MAP4K4: variants seen among roughly 807,000 people sequenced by gnomAD.
MAP4K4 encodes HPK/GCK-like kinase HGK.
In MAP4K4, 38 loss-of-function variants were observed where a neutral mutation model predicts 189.6. The observed-to-expected ratio is 0.20, with a 90% CI of 0.15 to 0.26. MAP4K4 has a LOEUF of 0.26. Ranked by LOEUF, MAP4K4 falls within the 10% of genes least tolerant of loss-of-function variation. The pLI is 1.00. For synonymous variants in MAP4K4, 610 were observed against 624.3 expected (o/e 0.98, Z 0.34); for missense variants, 1,054 against 1,726.9 (o/e 0.61, Z 6.91).
chr2:101,891,987 T>TAAAAAAAAAAAAAAAAAAA (rs60620198), exon 33 of MAP4K4: 3 of 59,818 alleles, frequency 5.0e-5, no homozygotes, highest in Non-Finnish European at 8.4e-5. Context: ...CAGATGGTTC[T>TAAAAAAAAAAAAAAAAAAA]AAAAAAAAAA....
intron 15 of MAP4K4, 68 bp from the exon 16 acceptor site, chr2:101,860,757 G>A: frequency 7.6e-7 from 1 of 1,315,846 alleles, no homozygotes; most frequent in Non-Finnish European, 1.0e-6. Flanking sequence ...TCCACTTTTA[G>A]ACTTTCTTTG....
At chr2:101,766,936 C>T (rs926530782) in intron 2 of MAP4K4, among the ~76,000 whole-genome samples, 1 of 152,148 alleles carries the variant, frequency 6.6e-6, no homozygotes, top group African/African-American at 2.4e-5. Flanking sequence ...CTCTAGCAAG[C>T]AGCTCAAAGG....
At chr2:101,829,829 A>C in intron 6 of MAP4K4, 1 of 404,240 alleles carries the variant, frequency 2.5e-6, no homozygotes, top group Non-Finnish European at 4.6e-6. Context: ...TGATCTTCAA[A>C]TCAGACCATG....
chr2:101,864,975 G>A, exon 18 of MAP4K4: 1 of 1,580,440 alleles, frequency 6.3e-7, no homozygotes, highest in East Asian at 2.3e-5. Flanking sequence ...GTCCCGTCGA[G>A]ATTCCCCACT....
chr2:101,773,069 T>A (rs1197517260), intron 2 of MAP4K4, among the ~76,000 whole-genome samples: 3 of 152,220 alleles, frequency 2.0e-5, no homozygotes, highest in Non-Finnish European at 4.4e-5. Context: ...CCCCCTTCCT[T>A]GGGCTTCTCT....
At chr2:101,718,610 T>TGGG (rs2049920061) in intron 2 of MAP4K4, among the ~76,000 whole-genome samples, 1 of 8,194 alleles carries the variant, frequency 1.2e-4, no homozygotes, top group Non-Finnish European at 2.3e-4. Flanking sequence ...GGATGGGGGG[T>TGGG]GGGGTGGTGG....
At chr2:101,857,730 C>T (rs555709315) in intron 13 of MAP4K4, among the ~76,000 whole-genome samples, 1 of 152,150 alleles carries the variant, frequency 6.6e-6, no homozygotes, top group African/African-American at 2.4e-5. Context: ...CACACCCCCC[C>T]AGTTGGCTTT....
At chr2:101,867,284 A>G in exon 20 of MAP4K4, 1 of 1,607,298 alleles carries the variant, frequency 6.2e-7, no homozygotes, top group Non-Finnish European at 8.5e-7. Context: ...GATAAAAAGG[A>G]AGTTTTCAGA....
chr2:101,844,076 C>G, intron 11 of MAP4K4, 25 bp from the exon 12 acceptor site: 1 of 1,578,466 alleles, frequency 6.3e-7, no homozygotes, highest in Non-Finnish European at 8.7e-7. Context: ...GTGCACACCC[C>G]TGAAAGCCCT....
At chr2:101,861,955 TG>T (rs2097671815) in intron 16 of MAP4K4, 1 of 146,042 alleles carries the variant, frequency 6.8e-6, no homozygotes, top group African/African-American at 2.5e-5. Flanking sequence ...AAAAAAGGGC[TG>T]GGGCACAGTG....
intron 2 of MAP4K4, among the ~76,000 whole-genome samples, chr2:101,699,572 T>C (rs927485478): frequency 1.3e-5 from 2 of 152,180 alleles, no homozygotes; most frequent in African/African-American, 4.8e-5. Flanking sequence ...CCATGAAGAA[T>C]TGTCATTGTC....
chr2:101,838,353 C>T lies in MAP4K4; in HGVS notation c.774-1466C>T, dbSNP rs188385591. On this transcript the variant is annotated intron_variant, in intron 9 of 32. Coordinates refer to ENST00000324219, the Ensembl canonical transcript of MAP4K4. ...TTTCACTGTACTGTGTAGAATCTTCCATGTTCCTCATTAAACGTAGAATAA... is the reference window on the plus strand; with the variant it reads ...TTTCACTGTACTGTGTAGAATCTTCTATGTTCCTCATTAAACGTAGAATAA... Among the ~76,000 whole-genome samples the T allele has an allele frequency of 1.3e-3, 193 of 152,304 alleles. 1 individual carries two copies. The highest frequency in any genetic ancestry group is 4.5e-3 in the African/African-American group (189 of 41,560).
At chr2:101,810,304 T>C (rs1575986788) in intron 3 of MAP4K4, among the ~76,000 whole-genome samples, 1 of 152,316 alleles carries the variant, frequency 6.6e-6, no homozygotes, top group East Asian at 1.9e-4. Context: ...TGGGTTTTTT[T>C]TAAATACAGG....
intron 10 of MAP4K4, among the ~76,000 whole-genome samples, chr2:101,841,410 T>A (rs2096913090): frequency 6.6e-6 from 1 of 152,170 alleles, no homozygotes; most frequent in Non-Finnish European, 1.5e-5. Context: ...ACTGACAAAT[T>A]TGTACGGAAC....
At chr2:101,856,309 A>G (rs2097456530) in intron 13 of MAP4K4, among the ~76,000 whole-genome samples, 171 bp downstream of exon 13, 1 of 152,116 alleles carries the variant, frequency 6.6e-6, no homozygotes. Context: ...TTGGAATGAC[A>G]CCAATAAATT....
chr2:101,889,121 G>C (rs2098529631), intron 32 of MAP4K4, among the ~76,000 whole-genome samples, 186 bp downstream of exon 32: 1 of 152,148 alleles, frequency 6.6e-6, no homozygotes, highest in South Asian at 2.1e-4. Context: ...TGAGGGGATA[G>C]AGATATTTTT....
exon 33 of MAP4K4, chr2:101,891,319 A>C (rs1394707350): frequency 7.1e-7 from 1 of 1,401,202 alleles, no homozygotes; most frequent in Non-Finnish European, 1.0e-6. Flanking sequence ...ATTCCTTGTA[A>C]CTGGAGCTCG....
chr2:101,837,453 T>C (rs1354030536), intron 9 of MAP4K4, among the ~76,000 whole-genome samples: 1 of 152,078 alleles, frequency 6.6e-6, no homozygotes, highest in Non-Finnish European at 1.5e-5. Context: ...TTTAACCACA[T>C]TTGTCTCCAT....
chr2:101,869,962 G>A, intron 22 of MAP4K4, 165 bp downstream of exon 22: 1 of 885,390 alleles, frequency 1.1e-6, no homozygotes, highest in Non-Finnish European at 1.7e-6. Context: ...TCTCTTCGTT[G>A]GTGTGTGCAT....
Sources: gnomAD v4.1 joint callset for allele counts (sites outside exome capture counted in the v4.1 genomes callset) on GRCh38, gnomAD v4.1.1 for gene constraint, MANE v1.5 for transcripts, NCBI Gene and HGNC (gene_info 2026-07-23, HGNC 2026-07-21) for gene names.